Variants in TOPBP1 observed in about 807,000 individuals in gnomAD.
TOPBP1 encodes the protein DNA topoisomerase 2-binding protein 1.
Under a neutral mutation model 167.7 loss-of-function variants are expected in TOPBP1, and 28 were observed. The ratio of observed to expected loss-of-function variants is 0.17; its 90% CI spans 0.12 to 0.23. The LOEUF (loss-of-function observed/expected upper bound fraction) is 0.23. TOPBP1 is among the 10% of genes least tolerant of loss of function. The pLI, the probability that TOPBP1 is intolerant of heterozygous loss-of-function variation, is 1.00. For synonymous variants in TOPBP1, 598 were observed against 611.4 expected (o/e 0.98, Z 0.32); for missense variants, 1,554 against 1,809.6 (o/e 0.86, Z 2.56).
At chr3:133,605,170 G>A (rs1934447128) in intron 27 of TOPBP1, among the ~76,000 whole-genome samples, 1 of 150,986 alleles carries the variant, frequency 6.6e-6, no homozygotes, top group South Asian at 2.1e-4. Flanking sequence ...TTGCACTCCA[G>A]TGTGGGCAAC....
chr3:133,660,155 T>C (rs988278485), intron 2 of TOPBP1, among the ~76,000 whole-genome samples: 2 of 152,214 alleles, frequency 1.3e-5, no homozygotes, highest in African/African-American at 4.8e-5. Context: ...TCTCCAGATA[T>C]CTGCAAGGCT....
chr3:133,636,203 T>G (rs772850337), intron 14 of TOPBP1, among the ~76,000 whole-genome samples: 1 of 152,174 alleles, frequency 6.6e-6, no homozygotes, highest in Non-Finnish European at 1.5e-5. Flanking sequence ...TTAACCCTGA[T>G]AGTTCATTAG....
At chr3:133,616,574 A>C (rs1934889038) in intron 23 of TOPBP1, among the ~76,000 whole-genome samples, 1 of 152,240 alleles carries the variant, frequency 6.6e-6, no homozygotes, top group African/African-American at 2.4e-5. Context: ...CAAACAGCAC[A>C]GAAGATTCTT....
chr3:133,608,791 G>C, intron 26 of TOPBP1, 82 bp downstream of exon 26: 3 of 1,564,358 alleles, frequency 1.9e-6, no homozygotes, highest in Non-Finnish European at 2.6e-6. Context: ...TCAAAAAGTA[G>C]AGAAAATGAA....
chr3:133,602,276 A>C (rs1389350211), intron 27 of TOPBP1, among the ~76,000 whole-genome samples: 1 of 152,244 alleles, frequency 6.6e-6, no homozygotes, highest in African/African-American at 2.4e-5. Context: ...AAAACCTGTC[A>C]ATCTATAATT....
At position 133,628,453 on chromosome 3, in the gene TOPBP1, G is replaced by A. The variant is rs1399331950; in HGVS notation, c.2713C>T (p.Leu905Phe). 1 of 1,611,026 alleles carries A rather than the reference G, an allele frequency of 6.2e-7. No homozygotes were observed. The highest frequency in any genetic ancestry group is 1.7e-5 in the Admixed American group (1 of 59,604). The change falls in exon 16 of 28, where the codon CTT becomes TTT. Residue 905 changes from leucine (L) to phenylalanine (F), a missense_variant. By Grantham distance (22) the Leu-to-Phe change is conservative (BLOSUM62 0). This residue lies in a region of TOPBP1 where 1,197 missense variants were observed against 1,351.5 expected (regional missense o/e 0.89). Coordinates refer to ENST00000260810, the MANE Select transcript of TOPBP1 (RefSeq NM_007027.4). ...QSEKEEAPKP[L>F]HKVVVCVSKK... ...CTAACACATACCACTACTTTGTGAA[G>A]TGGCTTTGGGGCTTCTTCCTGTCCA...
chr3:133,618,260 T>C lies in TOPBP1; in HGVS notation c.3545A>G (p.Asp1182Gly). The stretch of plus-strand genomic sequence containing the variant: ...ATGTAAAGGCTTTTGAAAAGGAGAA[T>C]CCTCCAAGTTTTGAATGTCAACCTG... ...ELQVDIQNLE[D>G]SPFQKPLHDS... The change falls in exon 21 of 28, where the codon GAT (aspartate) becomes GGT (glycine). Residue 1182 changes from aspartate (D) to glycine (G), a missense_variant. Asp to Gly is a moderately conservative substitution (Grantham distance 94). Transcript: ENST00000260810. 1 of 1,613,984 alleles carries C rather than the reference T, an allele frequency of 6.2e-7. No individual in the cohort carries two copies. The highest frequency in any genetic ancestry group is 8.5e-7 in the Non-Finnish European group (1 of 1,179,868).
intron 16 of TOPBP1, among the ~76,000 whole-genome samples, chr3:133,625,218 C>T (rs961419072): frequency 7.9e-5 from 12 of 152,170 alleles, no homozygotes; most frequent in South Asian, 6.2e-4. Flanking sequence ...ACCCGCCTTG[C>T]GCTCCCAAAG....
Position 133,635,302 on chromosome 3 carries a change from G to A in TOPBP1, c.2520+2574C>T, listed in dbSNP as rs528868231. On this transcript the variant is annotated intron_variant, in intron 14 of 27. Coordinates refer to ENST00000260810, the MANE Select transcript of TOPBP1 (RefSeq NM_007027.4). Reference sequence around the variant, plus strand: ...AGGGTCTTGCTCTGTCACTCAGGCTGGAGTGCAGTGGTAGGATGATAGCTC... The same window carrying A: ...AGGGTCTTGCTCTGTCACTCAGGCTAGAGTGCAGTGGTAGGATGATAGCTC... 1.1e-4 allele frequency among the ~76,000 whole-genome samples: 16 copies of A among 152,210 alleles called. No individual in the cohort carries two copies. In the South Asian group the frequency reaches 3.3e-3, roughly 32 times the overall value.
At chr3:133,638,540 G>GA (rs761122904) in intron 13 of TOPBP1, among the ~76,000 whole-genome samples, 1 of 152,134 alleles carries the variant, frequency 6.6e-6, no homozygotes, top group African/African-American at 2.4e-5. Context: ...AGAGTAAAAA[G>GA]AAAAATCTCA....
At chr3:133,601,422 A>G in intron 27 of TOPBP1, 29 bp from the exon 28 acceptor site, 1 of 1,421,426 alleles carries the variant, frequency 7.0e-7, no homozygotes, top group Non-Finnish European at 9.3e-7. Context: ...GTGATTTTTT[A>G]AAATGATTTC....
rs1024427510 is a variant in TOPBP1, at chr3:133,622,506, G to GT, written c.3178+584dup. ...CCATGCCCAGCCTATGTGTTTGTTT[G>GT]TTTTTTTTTAATGGGGGAAAAACAT... On this transcript the variant is annotated intron_variant, in intron 19 of 27. Coordinates refer to ENST00000260810, the MANE Select transcript of TOPBP1 (RefSeq NM_007027.4). Among the ~76,000 whole-genome samples, 252 of 148,854 alleles carry GT rather than the reference G, an allele frequency of 1.7e-3. 4 individuals carry two copies. Among genetic ancestry groups the GT allele is most frequent in the African/African-American group, 5.3e-3 (217 of 40,712 alleles).
intron 8 of TOPBP1, among the ~76,000 whole-genome samples, chr3:133,651,701 A>T (rs1936310851): frequency 6.6e-6 from 1 of 152,208 alleles, no homozygotes; most frequent in African/African-American, 2.4e-5. Flanking sequence ...TACCAAACAA[A>T]GCAGTGGCTC....
At chr3:133,614,334 CAAG>C (rs1934788611) in intron 23 of TOPBP1, among the ~76,000 whole-genome samples, 1 of 152,004 alleles carries the variant, frequency 6.6e-6, no homozygotes, top group African/African-American at 2.4e-5. Context: ...GACAAAAAGA[CAAG>C]AAGGTAAAAT....
intron 25 of TOPBP1, among the ~76,000 whole-genome samples, chr3:133,610,722 G>C (rs1934647316): frequency 6.6e-6 from 1 of 151,496 alleles, no homozygotes; most frequent in Non-Finnish European, 1.5e-5. Context: ...CCCATGCAAA[G>C]TACATGGCCT....
intron 25 of TOPBP1, among the ~76,000 whole-genome samples, chr3:133,610,638 A>T (rs1042109466): frequency 4.0e-4 from 32 of 80,244 alleles, no homozygotes; most frequent in Admixed American, 1.6e-3. Flanking sequence ...TTAAAATTTA[A>T]AAAAAAAAAA....
intron 8 of TOPBP1, among the ~76,000 whole-genome samples, chr3:133,650,362 T>TG (rs138047875): frequency 0.16 from 15,704 of 95,474 alleles, 1,155 homozygotes; most frequent in Non-Finnish European, 0.2. Flanking sequence ...ATTGTGTGTG[T>TG]GTGGGGGGCG....
At chr3:133,645,136 C>T (rs1298121709) in intron 10 of TOPBP1, among the ~76,000 whole-genome samples, 1 of 152,140 alleles carries the variant, frequency 6.6e-6, no homozygotes, top group African/African-American at 2.4e-5. Flanking sequence ...TACTTCTATC[C>T]TCATCTCCAA....
At chr3:133,648,333 GA>G (rs1313837367) in intron 10 of TOPBP1, among the ~76,000 whole-genome samples, 1 of 152,212 alleles carries the variant, frequency 6.6e-6, no homozygotes, top group East Asian at 1.9e-4. Context: ...AAGAACTGGG[GA>G]GAGCAAAGAA....
Sources: allele counts gnomAD v4.1 joint callset (sites outside exome capture counted in the v4.1 genomes callset), GRCh38; gene constraint gnomAD v4.1.1; regional missense constraint gnomAD v4.1.1; transcripts MANE v1.5; gene names NCBI Gene and HGNC (gene_info 2026-07-23, HGNC 2026-07-21).